Variants in NELL1 observed in about 807,000 individuals in gnomAD.
NELL1 encodes neural EGFL like 1.
Under a neutral mutation model 107.4 loss-of-function variants are expected in NELL1, and 76 were observed. The ratio of observed to expected loss-of-function variants is 0.71; its 90% CI spans 0.59 to 0.86. The LOEUF is 0.86. Ranked by LOEUF, NELL1 falls within the 40% of genes least tolerant of loss-of-function variation. The pLI is 0.00. For missense variants in NELL1, 1,024 were observed against 1,005.5 expected (o/e 1.02, Z -0.25); for synonymous variants, 353 against 341.2 (o/e 1.03, Z -0.38).
chr11:21,289,496 T>C (rs1397734741), intron 14 of NELL1, among the ~76,000 whole-genome samples: 4 of 152,198 alleles, frequency 2.6e-5, no homozygotes, highest in Non-Finnish European at 5.9e-5. Flanking sequence ...ACTATGCTTT[T>C]CCCATGGTCT....
At chr11:21,405,618 A>C (rs1852216704) in intron 15 of NELL1, among the ~76,000 whole-genome samples, 1 of 151,950 alleles carries the variant, frequency 6.6e-6, no homozygotes, top group African/African-American at 2.4e-5. Flanking sequence ...TGCAGCATCA[A>C]TTATCACCTC....
intron 13 of NELL1, among the ~76,000 whole-genome samples, chr11:21,146,515 C>T (rs1039427894): frequency 1.3e-5 from 2 of 152,102 alleles, no homozygotes; most frequent in African/African-American, 4.8e-5. Context: ...AAGAGTGACA[C>T]CAAACTAGGA....
chr11:21,357,257 T>C (rs1254786438), intron 14 of NELL1, among the ~76,000 whole-genome samples: 2 of 152,196 alleles, frequency 1.3e-5, no homozygotes, highest in African/African-American at 4.8e-5. Flanking sequence ...GTTGTAATAG[T>C]TTGTATTCTC....
chr11:20,718,400 C>G (rs1304058038), intron 2 of NELL1, among the ~76,000 whole-genome samples: 1 of 151,826 alleles, frequency 6.6e-6, no homozygotes, highest in Admixed American at 6.6e-5. Flanking sequence ...GCATGCATAG[C>G]ATATGGGGAG....
chr11:20,729,614 A>G (rs938571458), intron 2 of NELL1, among the ~76,000 whole-genome samples: 2 of 152,184 alleles, frequency 1.3e-5, no homozygotes, highest in Admixed American at 6.5e-5. Flanking sequence ...ATTAATTTGA[A>G]TATGTTGATA....
At chr11:20,914,509 C>T (rs1244660848) in intron 5 of NELL1, among the ~76,000 whole-genome samples, 2 of 152,068 alleles carry the variant, frequency 1.3e-5, no homozygotes, top group African/African-American at 4.8e-5. Flanking sequence ...CTCTAAATAG[C>T]AGGCTTCAGG....
At chr11:20,677,709 CA>C (rs536402616) in intron 1 of NELL1, among the ~76,000 whole-genome samples, 59 of 151,766 alleles carry the variant, frequency 3.9e-4, no homozygotes, top group Middle Eastern at 3.4e-3. Context: ...AAGAAATTAT[CA>C]ATCCATAATT....
chr11:21,492,974 T>C (rs562121085), intron 15 of NELL1, among the ~76,000 whole-genome samples: 8 of 152,096 alleles, frequency 5.3e-5, no homozygotes, highest in African/African-American at 1.7e-4. Context: ...CCAAGAGATG[T>C]ATGAAAAAAT....
At chr11:20,828,132 T>C (rs1857924818) in intron 3 of NELL1, among the ~76,000 whole-genome samples, 1 of 151,342 alleles carries the variant, frequency 6.6e-6, no homozygotes. Flanking sequence ...TGACTTTATA[T>C]CTTTGAACTT....
At chr11:20,746,598 ACACACACACG>A (rs1177741357) in intron 2 of NELL1, among the ~76,000 whole-genome samples, 1 of 102,512 alleles carries the variant, frequency 9.8e-6, no homozygotes, top group Non-Finnish European at 2.2e-5. Flanking sequence ...ACACACACAC[ACACACACACG>A]TGGAATTGAA....
At chr11:20,786,031 C>A (rs1450331832) in intron 3 of NELL1, among the ~76,000 whole-genome samples, 1 of 124,086 alleles carries the variant, frequency 8.1e-6, no homozygotes, top group Non-Finnish European at 1.7e-5. Flanking sequence ...AGAAAAACTT[C>A]AGAATTTTTT....
chr11:21,030,500 G>A (rs1477482741), intron 12 of NELL1, among the ~76,000 whole-genome samples: 1 of 152,030 alleles, frequency 6.6e-6, no homozygotes, highest in Non-Finnish European at 1.5e-5. Context: ...TTGGAGGCCA[G>A]TTAACTTATT....
intron 2 of NELL1, among the ~76,000 whole-genome samples, chr11:20,779,102 C>A (rs1032975935): frequency 1.3e-5 from 2 of 152,120 alleles, no homozygotes; most frequent in Non-Finnish European, 2.9e-5. Flanking sequence ...TACTCAGAAG[C>A]AAGTAATCCT....
At chr11:21,265,842 A>G (rs111597761) in intron 14 of NELL1, among the ~76,000 whole-genome samples, 5 of 151,958 alleles carry the variant, frequency 3.3e-5, no homozygotes, top group African/African-American at 1.2e-4. Flanking sequence ...ATGTCTGTGT[A>G]CCACGCTAAG....
intron 13 of NELL1, among the ~76,000 whole-genome samples, chr11:21,153,474 G>A (rs1417778582): frequency 6.6e-6 from 1 of 152,090 alleles, no homozygotes; most frequent in Admixed American, 6.6e-5. Flanking sequence ...TGTGTAACAG[G>A]CACTGTACTA....
chr11:20,850,336 T>G (rs1848773423), intron 4 of NELL1, among the ~76,000 whole-genome samples: 1 of 152,226 alleles, frequency 6.6e-6, no homozygotes. Context: ...TCTTAGAGTT[T>G]TTCTCAACCT....
At chr11:21,277,960 G>T (rs1848906465) in intron 14 of NELL1, among the ~76,000 whole-genome samples, 1 of 152,006 alleles carries the variant, frequency 6.6e-6, no homozygotes, top group Non-Finnish European at 1.5e-5. Flanking sequence ...ATGACGAGTT[G>T]CTGGGTGCAG....
intron 14 of NELL1, among the ~76,000 whole-genome samples, chr11:21,269,700 A>C (rs1356252757): frequency 1.3e-5 from 2 of 152,160 alleles, no homozygotes; most frequent in Non-Finnish European, 2.9e-5. Context: ...TCTTCATAGA[A>C]GAGGAAAATC....
chr11:20,745,167 A>G (rs1254651422), intron 2 of NELL1, among the ~76,000 whole-genome samples: 1 of 152,214 alleles, frequency 6.6e-6, no homozygotes, highest in East Asian at 1.9e-4. Flanking sequence ...TCTTGTTCAC[A>G]GAAGTGTTCC....
Sources: gnomAD v4.1 joint callset for allele counts (sites outside exome capture counted in the v4.1 genomes callset) on GRCh38, gnomAD v4.1.1 for gene constraint, MANE v1.5 for transcripts, NCBI Gene and HGNC (gene_info 2026-07-23, HGNC 2026-07-21) for gene names.